Variants in IMMP1L observed in about 807,000 individuals in gnomAD.
The protein encoded by IMMP1L is inner mitochondrial membrane peptidase subunit 1, also known as mitochondrial inner membrane protease subunit 1.
Under a neutral mutation model 21.8 loss-of-function variants are expected in IMMP1L, and 24 were observed. The ratio of observed to expected loss-of-function variants is 1.10; its 90% CI spans 0.80 to 1.55. The LOEUF is 1.55. Ranked by LOEUF, IMMP1L falls within the 40% of genes most tolerant of loss-of-function variation. The pLI is 0.00. For missense variants in IMMP1L, 195 were observed against 200.7 expected (o/e 0.97, Z 0.17); for synonymous variants, 46 against 62.8 (o/e 0.73, Z 1.26).
At chr11:31,433,800 T>C (rs1953013411) in intron 4 of IMMP1L, 1 of 363,676 alleles carries the variant, frequency 2.7e-6, no homozygotes, top group Non-Finnish European at 4.9e-6. Context: ...TGTCATATGG[T>C]TCCCAAATAT....
At chr11:31,433,766 T>A (rs1953008771) in intron 4 of IMMP1L, 196 bp from the exon 5 acceptor site, 2 of 424,066 alleles carry the variant, frequency 4.7e-6, no homozygotes, top group Non-Finnish European at 4.1e-6. Context: ...GTTTCAACTT[T>A]TTTAAAAACC....
intron 3 of IMMP1L, among the ~76,000 whole-genome samples, chr11:31,458,298 CATTTAT>C (rs1442339411): frequency 6.6e-6 from 1 of 152,108 alleles, no homozygotes; most frequent in Non-Finnish European, 1.5e-5. Context: ...AAAATTTTCT[CATTTAT>C]ATTTATAAAC....
chr11:31,444,887 T>C lies in IMMP1L; in HGVS notation c.322-11317A>G, dbSNP rs11031382. 7.3e-3 allele frequency among the ~76,000 whole-genome samples: 1,117 copies of C among 152,310 alleles called. 7 individuals carry two copies. Among genetic ancestry groups the C allele is most frequent in the Non-Finnish European group, 0.012 (799 of 68,030 alleles). ...TCAAGCATCCACTTCTTCAGAACCA[T>C]TTACCAACTAGTCAGAATGTAGGAG... is the stretch of plus-strand genomic sequence containing the variant. On this transcript the variant is annotated intron_variant, in intron 4 of 5. Transcript: ENST00000532287.
At chr11:31,503,520 A>C (rs1032506781) in intron 1 of IMMP1L, among the ~76,000 whole-genome samples, 1 of 152,204 alleles carries the variant, frequency 6.6e-6, no homozygotes, top group Non-Finnish European at 1.5e-5. Flanking sequence ...CAATGAAGAA[A>C]AAAAGGAAAA....
chr11:31,481,539 GTAATA>G (rs1295534831), intron 1 of IMMP1L, among the ~76,000 whole-genome samples: 2 of 151,534 alleles, frequency 1.3e-5, no homozygotes, highest in Non-Finnish European at 2.9e-5. Context: ...ATAAAATTAA[GTAATA>G]TAATAATCAT....
chr11:31,441,704 A>G (rs551747950), intron 4 of IMMP1L, among the ~76,000 whole-genome samples: 2 of 152,280 alleles, frequency 1.3e-5, no homozygotes, highest in East Asian at 3.9e-4. Context: ...CAATATTATA[A>G]TAATAAAATA....
intron 4 of IMMP1L, among the ~76,000 whole-genome samples, chr11:31,450,402 A>G (rs2133601933): frequency 7.9e-6 from 1 of 126,558 alleles, no homozygotes; most frequent in East Asian, 2.2e-4. Context: ...ACTTTAGGAG[A>G]CTTAATCTTA....
Position 31,470,474 on chromosome 11 carries a change from G to A in IMMP1L, c.-29-7169C>T, listed in dbSNP as rs184811790. Among the ~76,000 whole-genome samples, 7 of 147,568 alleles carry A rather than the reference G, an allele frequency of 4.7e-5. No homozygotes were observed. The South Asian group carries it at 6.4e-4, about 14-fold the overall frequency. ...TCAGGCAAATCCAAGAAGGAAGGAA[G>A]AGAAGTGAAGAGTACATACATACAT... On this transcript the variant is annotated intron_variant, in intron 1 of 5. Transcript: ENST00000532287.
At chr11:31,472,874 A>ATT (rs200515495) in intron 1 of IMMP1L, among the ~76,000 whole-genome samples, 1 of 150,658 alleles carries the variant, frequency 6.6e-6, no homozygotes, top group Admixed American at 6.6e-5. Flanking sequence ...TTATTTATTT[A>ATT]TTTTTTTTTG....
chr11:31,501,245 A>C (rs1955608596), intron 1 of IMMP1L, among the ~76,000 whole-genome samples: 1 of 152,216 alleles, frequency 6.6e-6, no homozygotes, highest in South Asian at 2.1e-4. Context: ...AAACATACCT[A>C]AGTGCTACAG....
chr11:31,500,602 CACACACACAA>C (rs1165849425), intron 1 of IMMP1L, among the ~76,000 whole-genome samples: 4 of 148,828 alleles, frequency 2.7e-5, no homozygotes, highest in African/African-American at 7.8e-5. Context: ...TGCACACACA[CACACACACAA>C]ACACACACAC....
In IMMP1L at chr11:31,506,226, C is replaced by CTT. The variant is rs548091856; in HGVS notation, c.-30+3291_-30+3292dup. ...ATTAAGAACGCACCTAAACATATAA[C>CTT]TTTTTTTTTTTTTTTTTTTGAGACA... is the stretch of plus-strand genomic sequence containing the variant. On this transcript the variant is annotated intron_variant, in intron 1 of 5. Transcript: ENST00000532287. 6.2e-3 allele frequency among the ~76,000 whole-genome samples: 814 copies of CTT among 131,172 alleles called. 29 individuals are homozygous for CTT. Among genetic ancestry groups the CTT allele is most frequent in the African/African-American group, 0.023 (725 of 31,840 alleles). 86.1% of individuals were successfully genotyped at this position (131,172 alleles called of 152,430 possible).
chr11:31,436,482 G>C (rs1467107230), intron 4 of IMMP1L, among the ~76,000 whole-genome samples: 1 of 152,108 alleles, frequency 6.6e-6, no homozygotes, highest in Non-Finnish European at 1.5e-5. Context: ...GCCCAGGCTG[G>C]AGTGCAGTGG....
intron 1 of IMMP1L, among the ~76,000 whole-genome samples, chr11:31,485,433 T>C (rs889950141): frequency 6.6e-6 from 1 of 151,882 alleles, no homozygotes. Context: ...CAACCTATGT[T>C]GCATATATAT....
chr11:31,462,620 G>A (rs1003541329), intron 2 of IMMP1L, among the ~76,000 whole-genome samples: 1 of 152,142 alleles, frequency 6.6e-6, no homozygotes, highest in African/African-American at 2.4e-5. Context: ...AGAATAATCT[G>A]TCTTAATTAC....
At chr11:31,507,892 C>T (rs751220877) in intron 1 of IMMP1L, among the ~76,000 whole-genome samples, 1 of 152,086 alleles carries the variant, frequency 6.6e-6, no homozygotes, top group African/African-American at 2.4e-5. Flanking sequence ...CTAGATTTAA[C>T]GATTCCGGAA....
At chr11:31,443,066 T>C (rs934503218) in intron 4 of IMMP1L, among the ~76,000 whole-genome samples, 30 of 152,210 alleles carry the variant, frequency 2.0e-4, no homozygotes, top group African/African-American at 6.0e-4. Context: ...TTTTATCTTA[T>C]TATCTTACAA....
chr11:31,485,799 T>TC (rs1016173183), intron 1 of IMMP1L, among the ~76,000 whole-genome samples: 2 of 151,838 alleles, frequency 1.3e-5, no homozygotes, highest in African/African-American at 4.8e-5. Context: ...AAGAAAACAG[T>TC]CCAACACAGC....
chr11:31,437,725 G>A (rs1196284333), intron 4 of IMMP1L, among the ~76,000 whole-genome samples: 1 of 152,064 alleles, frequency 6.6e-6, no homozygotes, highest in Non-Finnish European at 1.5e-5. Context: ...ATGCCGAAAA[G>A]TTCCCTCTGT....
Sources: gnomAD v4.1 joint callset for allele counts (sites outside exome capture counted in the v4.1 genomes callset) on GRCh38, gnomAD v4.1.1 for gene constraint, MANE v1.5 for transcripts, NCBI Gene and HGNC (gene_info 2026-07-23, HGNC 2026-07-21) for gene names.